The following ZBTB7C variants were observed in gnomAD, a reference collection of about 807,000 sequenced individuals.
ZBTB7C encodes the protein zinc finger and BTB domain-containing protein 7C.
Under a neutral mutation model 25.7 loss-of-function variants are expected in ZBTB7C, and 8 were observed. The observed-to-expected ratio is 0.31, with a 90% CI of 0.18 to 0.56. ZBTB7C has a LOEUF of 0.56. Ranked by LOEUF, ZBTB7C falls within the 20% of genes least tolerant of loss-of-function variation. The probability of loss-of-function intolerance (pLI) is 0.91; values close to 1 mark genes in which losing one functional copy is unlikely to be tolerated. For synonymous variants in ZBTB7C, 394 were observed against 369.0 expected, an observed-to-expected ratio of 1.07 and a Z score of -0.78; for missense variants, 824 against 855.2, an observed-to-expected ratio of 0.96 and a Z score of 0.46.
At chr18:48,119,374 G>A (rs192916676) in intron 3 of ZBTB7C, among the ~76,000 whole-genome samples, 74 of 152,332 alleles carry the variant, frequency 4.9e-4, no homozygotes, top group East Asian at 2.9e-3. Context: ...CAGCGCAGGC[G>A]CAAGCCCAGT....
At chr18:48,257,058 C>T (rs879559134) in intron 2 of ZBTB7C, among the ~76,000 whole-genome samples, 19 of 151,790 alleles carry the variant, frequency 1.3e-4, no homozygotes, top group Non-Finnish European at 1.9e-4. Flanking sequence ...AATTAAAAGG[C>T]AGAGACTGTT....
intron 3 of ZBTB7C, among the ~76,000 whole-genome samples, chr18:48,074,645 C>A (rs367688095): frequency 4.5e-4 from 69 of 152,354 alleles, no homozygotes; most frequent in African/African-American, 1.6e-3. Context: ...CAATTGCAGA[C>A]AGCACTCTGG....
At chr18:48,287,459 C>A (rs2045090525) in intron 2 of ZBTB7C, among the ~76,000 whole-genome samples, 1 of 152,054 alleles carries the variant, frequency 6.6e-6, no homozygotes, top group African/African-American at 2.4e-5. Context: ...ACAAGAGGCC[C>A]AAATGGTTTC....
At chr18:48,201,623 C>T (rs896309633) in intron 2 of ZBTB7C, among the ~76,000 whole-genome samples, 16 of 152,144 alleles carry the variant, frequency 1.1e-4, no homozygotes, top group African/African-American at 3.9e-4. Flanking sequence ...TCTTTCCCTC[C>T]ATCTTTCCAG....
intron 1 of ZBTB7C, among the ~76,000 whole-genome samples, chr18:48,403,370 C>G (rs1028780056): frequency 1.3e-5 from 2 of 152,204 alleles, no homozygotes; most frequent in Non-Finnish European, 2.9e-5. Flanking sequence ...CTGGGCTATA[C>G]CTCTTGAATG....
intron 1 of ZBTB7C, among the ~76,000 whole-genome samples, chr18:48,347,246 C>T (rs1424523907): frequency 9.2e-5 from 12 of 130,848 alleles, no homozygotes; most frequent in Admixed American, 4.5e-4. Flanking sequence ...GCTGGGACTA[C>T]AGGCACGCAC....
chr18:48,116,691 C>T (rs2039452922), intron 3 of ZBTB7C, among the ~76,000 whole-genome samples: 1 of 152,136 alleles, frequency 6.6e-6, no homozygotes, highest in African/African-American at 2.4e-5. Flanking sequence ...GTCCTGGCCA[C>T]TGCTTGCCTG....
intron 1 of ZBTB7C, among the ~76,000 whole-genome samples, chr18:48,390,284 A>G (rs1434773451): frequency 1.5e-5 from 2 of 129,948 alleles, no homozygotes; most frequent in Admixed American, 7.3e-5. Flanking sequence ...TCAAAATGGA[A>G]TCATACCCCC....
At chr18:48,328,140 C>T (rs369216938) in intron 2 of ZBTB7C, among the ~76,000 whole-genome samples, 1 of 148,904 alleles carries the variant, frequency 6.7e-6, no homozygotes, top group East Asian at 2.0e-4. Flanking sequence ...CGAGATTGCA[C>T]CACTGCACTC....
intron 3 of ZBTB7C, among the ~76,000 whole-genome samples, chr18:48,053,683 A>G (rs2036789123): frequency 6.6e-6 from 1 of 152,138 alleles, no homozygotes; most frequent in African/African-American, 2.4e-5. Flanking sequence ...TGTCTCTCTC[A>G]GCTACTGCAG....
intron 1 of ZBTB7C, among the ~76,000 whole-genome samples, chr18:48,355,415 C>T (rs942452151): frequency 6.6e-6 from 1 of 152,190 alleles, no homozygotes; most frequent in African/African-American, 2.4e-5. Flanking sequence ...TTGATTTGTT[C>T]CCAGTTCGCC....
upstream of ZBTB7C, among the ~76,000 whole-genome samples, chr18:48,409,768 C>T (rs904157306): frequency 6.6e-6 from 1 of 152,064 alleles, no homozygotes; most frequent in Non-Finnish European, 1.5e-5. Context: ...CGCCACCAAC[C>T]GCTCGGGGCT....
chr18:48,227,849 C>T (rs2043144564), intron 2 of ZBTB7C, among the ~76,000 whole-genome samples: 1 of 152,186 alleles, frequency 6.6e-6, no homozygotes, highest in African/African-American at 2.4e-5. Flanking sequence ...CCCTTGTCCT[C>T]TCCTTCTCTC....
intron 1 of ZBTB7C, among the ~76,000 whole-genome samples, chr18:48,367,155 C>T (rs866175448): frequency 7.7e-6 from 1 of 129,856 alleles, no homozygotes. Flanking sequence ...CATGCTTTCC[C>T]CTGTTCTTCT....
chr18:48,395,374 AATGTGTGT>A (rs2048004286), intron 1 of ZBTB7C, among the ~76,000 whole-genome samples: 1 of 49,804 alleles, frequency 2.0e-5, no homozygotes, highest in Non-Finnish European at 4.5e-5. Flanking sequence ...GTTCTATTCA[AATGTGTGT>A]GTGTGTGTGT....
chr18:48,210,545 G>T (rs74782703), intron 2 of ZBTB7C, among the ~76,000 whole-genome samples: 1 of 152,186 alleles, frequency 6.6e-6, no homozygotes, highest in Non-Finnish European at 1.5e-5. Flanking sequence ...CATGCAAAGT[G>T]AAAGAAGCCA....
rs761075831 is a variant in ZBTB7C, at chr18:48,029,787, C to T, written c.1333G>A (p.Val445Met). Residue 445 changes from valine (V) to methionine (M), a missense_variant, in exon 5 of 5, where the codon GTG (valine) becomes ATG (methionine). Coordinates refer to ENST00000590800, the MANE Select transcript of ZBTB7C (RefSeq NM_001318841.2). ...CAGAACTCGCACTGGTAGGGCCGCA[C>T]GCCCGTGTGGATGCGCATGTGGTTC... ...LKNHMRIHTG[V>M]RPYQCEFCYK... The T allele has an allele frequency of 5.0e-6, 8 of 1,608,644 alleles. No individual in the cohort carries two copies. Among genetic ancestry groups the T allele is most frequent in the Non-Finnish European group, 6.8e-6 (8 of 1,179,996 alleles).
Position 48,027,070 on chromosome 18 carries a change from A to G in ZBTB7C, c.*2190T>C, listed in dbSNP as rs1468182532. On this transcript the variant is annotated 3_prime_UTR_variant, in exon 5 of 5. Coordinates refer to ENST00000590800, the MANE Select transcript of ZBTB7C (RefSeq NM_001318841.2). Reference sequence around the variant, plus strand: ...AAGAGTTATAAATAGAAAAAATTCCAAAGTTCTCCCACAGACAGACAGGGA... The same window carrying G: ...AAGAGTTATAAATAGAAAAAATTCCGAAGTTCTCCCACAGACAGACAGGGA... The G allele has an allele frequency of 2.6e-5, 4 of 151,638 alleles. No homozygotes were observed. Among genetic ancestry groups the G allele is most frequent in the African/African-American group, 7.3e-5 (3 of 41,270 alleles). The allele number at this position is 151,638 out of a possible 1,614,324, so 9.4% of individuals were successfully genotyped here.
chr18:48,265,249 A>G (rs377666231), intron 2 of ZBTB7C, among the ~76,000 whole-genome samples: 15 of 152,080 alleles, frequency 9.9e-5, no homozygotes, highest in Admixed American at 5.9e-4. Context: ...TAAGTCCCCA[A>G]TTGTCTTTGT....
Sources: gnomAD v4.1 joint callset for allele counts (sites outside exome capture counted in the v4.1 genomes callset) on GRCh38, gnomAD v4.1.1 for gene constraint, MANE v1.5 for transcripts, NCBI Gene and HGNC (gene_info 2026-07-23, HGNC 2026-07-21) for gene names.